Variants in CMSS1 observed in about 807,000 individuals in gnomAD.
The protein encoded by CMSS1 is cms1 ribosomal small subunit homolog, also known as protein CMSS1.
In CMSS1, 33 loss-of-function variants were observed where a neutral mutation model predicts 43.5. That is an observed-to-expected ratio of 0.76 (90% confidence interval 0.57 to 1.01). The LOEUF (loss-of-function observed/expected upper bound fraction) is 1.01. Ranked by LOEUF, CMSS1 falls within the 50% of genes least tolerant of loss-of-function variation. The pLI, the probability that CMSS1 is intolerant of heterozygous loss-of-function variation, is 0.00. For synonymous variants in CMSS1, 115 were observed against 117.2 expected, an observed-to-expected ratio of 0.98 and a Z score of 0.12; for missense variants, 313 against 326.4, an observed-to-expected ratio of 0.96 and a Z score of 0.32.
Position 100,100,087 on chromosome 3 carries a change from C to T in CMSS1, c.65-46886C>T, listed in dbSNP as rs999471723. Reference sequence around the variant, plus strand: ...AGGAGTGGGCAAGTGTGGCATGAGCCGTGAGAGCAGAGGTATTTTGATAAG... The same window carrying T: ...AGGAGTGGGCAAGTGTGGCATGAGCTGTGAGAGCAGAGGTATTTTGATAAG... On this transcript the variant is annotated intron_variant, in intron 1 of 9. Coordinates refer to ENST00000421999, the MANE Select transcript of CMSS1 (RefSeq NM_032359.4). Among the ~76,000 whole-genome samples the T allele has an allele frequency of 3.9e-5, 6 of 152,194 alleles. No individual in the cohort carries two copies. The South Asian group carries it at 6.2e-4, about 16-fold the overall frequency.
At chr3:99,849,888 T>C (rs778828328) in intron 1 of CMSS1, 5 of 1,612,000 alleles carry the variant, frequency 3.1e-6, no homozygotes, top group South Asian at 2.2e-5. Context: ...TCTCAATTGC[T>C]TCCAATGATT....
At chr3:100,001,936 A>G (rs1709853763) in intron 1 of CMSS1, among the ~76,000 whole-genome samples, 1 of 152,182 alleles carries the variant, frequency 6.6e-6, no homozygotes, top group African/African-American at 2.4e-5. Context: ...GGGAAGCACA[A>G]TGAGACATCT....
intron 4 of CMSS1, among the ~76,000 whole-genome samples, chr3:100,165,229 G>T (rs1009647847): frequency 6.6e-6 from 1 of 152,182 alleles, no homozygotes; most frequent in African/African-American, 2.4e-5. Context: ...CAATATAGGA[G>T]AAAACAGCTT....
chr3:99,921,237 C>T (rs746736371), intron 1 of CMSS1, among the ~76,000 whole-genome samples: 38 of 152,164 alleles, frequency 2.5e-4, no homozygotes, highest in Non-Finnish European at 1.5e-4. Flanking sequence ...AGGCACACTA[C>T]GGGTATTTCA....
chr3:100,113,908 A>T (rs977574750), intron 1 of CMSS1: 1 of 152,138 alleles, frequency 6.6e-6, no homozygotes, highest in Non-Finnish European at 1.5e-5. Flanking sequence ...ATCATCTGTC[A>T]TAAGCTCTTA....
intron 1 of CMSS1, among the ~76,000 whole-genome samples, chr3:100,083,737 C>G (rs534769522): frequency 2.5e-4 from 38 of 152,114 alleles, no homozygotes; most frequent in African/African-American, 9.2e-4. Flanking sequence ...ATCACCATTT[C>G]TTTGTTTGTT....
chr3:99,822,130 A>G (rs1236464678), intron 1 of CMSS1, among the ~76,000 whole-genome samples: 1 of 152,326 alleles, frequency 6.6e-6, no homozygotes, highest in East Asian at 1.9e-4. Flanking sequence ...TTTTATTTCA[A>G]TGACATACCT....
intron 1 of CMSS1, among the ~76,000 whole-genome samples, chr3:99,846,915 G>A (rs1013927192): frequency 3.9e-5 from 6 of 152,180 alleles, no homozygotes; most frequent in African/African-American, 1.2e-4. Context: ...TGAAATCGTC[G>A]TTTTGGAATG....
chr3:100,178,413 G>A lies in CMSS1; in HGVS notation c.*25G>A. ...AGTCTGTGTCCTAATGAAGATTCCA[G>A]TTTTCACAGTAGAAGTTGCATCTTA... On this transcript the variant is annotated 3_prime_UTR_variant, in exon 10 of 10. Transcript: ENST00000421999. 3 of 1,441,848 alleles carry A rather than the reference G, an allele frequency of 2.1e-6. No homozygotes were observed. The highest frequency in any genetic ancestry group is 2.9e-6 in the Non-Finnish European group (3 of 1,028,152). 89.3% of individuals were successfully genotyped at this position (1,441,848 alleles called of 1,614,324 possible).
rs1047686347 is a variant in CMSS1, at chr3:99,830,740, A to T, written c.64+12697A>T. On this transcript the variant is annotated intron_variant, in intron 1 of 9. Transcript: ENST00000421999. ...TTTCTGGGGATGTATCAGATCAAAG[A>T]TCGTCAGGTTGAAGAAAAGAATGTC... 6 of 380,676 alleles carry T rather than the reference A, an allele frequency of 1.6e-5. No homozygotes were observed. In the Admixed American group the frequency reaches 1.9e-4, roughly 12 times the overall value. The allele number at this position is 380,676 out of a possible 1,614,324, so 23.6% of individuals were successfully genotyped here.
intron 1 of CMSS1, among the ~76,000 whole-genome samples, chr3:100,091,389 TA>T: frequency 1.3e-5 from 2 of 152,310 alleles, no homozygotes; most frequent in East Asian, 3.9e-4. Context: ...AATGTTTTAA[TA>T]AATGAACTTT....
chr3:99,873,122 G>A (rs1313829526), intron 1 of CMSS1, among the ~76,000 whole-genome samples: 4 of 152,172 alleles, frequency 2.6e-5, no homozygotes, highest in African/African-American at 9.7e-5. Flanking sequence ...GCTAGAAAAT[G>A]TTGTGGTGAT....
chr3:100,134,009 C>G (rs2066730790), intron 1 of CMSS1, among the ~76,000 whole-genome samples: 2 of 152,102 alleles, frequency 1.3e-5, no homozygotes, highest in African/African-American at 4.8e-5. Flanking sequence ...CCAAAGGGTA[C>G]TCTTAACAGA....
At chr3:100,150,846 A>G (rs2066901208) in intron 2 of CMSS1, among the ~76,000 whole-genome samples, 1 of 152,168 alleles carries the variant, frequency 6.6e-6, no homozygotes, top group South Asian at 2.1e-4. Context: ...CTTTGTAATT[A>G]TGGTTCCCAG....
At chr3:100,114,626 G>T (rs2066541290) in intron 1 of CMSS1, 1 of 201,370 alleles carries the variant, frequency 5.0e-6, no homozygotes, top group African/African-American at 2.3e-5. Context: ...AAATTCATGT[G>T]CACATCTTGG....
At chr3:99,992,236 A>T (rs888226293) in intron 1 of CMSS1, among the ~76,000 whole-genome samples, 1 of 152,028 alleles carries the variant, frequency 6.6e-6, no homozygotes, top group African/African-American at 2.4e-5. Flanking sequence ...GCTATTTGAG[A>T]AACCTCCACA....
intron 1 of CMSS1, among the ~76,000 whole-genome samples, chr3:99,895,030 C>G (rs1292565148): frequency 6.6e-6 from 1 of 152,126 alleles, no homozygotes; most frequent in Non-Finnish European, 1.5e-5. Flanking sequence ...CAGCCTCAGG[C>G]CAACTAACCT....
intron 1 of CMSS1, among the ~76,000 whole-genome samples, chr3:99,865,739 C>A (rs1168749866): frequency 1.3e-5 from 2 of 151,652 alleles, no homozygotes; most frequent in Non-Finnish European, 2.9e-5. Context: ...TGACAGACTT[C>A]AAGGGCATAA....
chr3:100,006,869 C>A (rs534026217), intron 1 of CMSS1, among the ~76,000 whole-genome samples: 1 of 152,322 alleles, frequency 6.6e-6, no homozygotes, highest in African/African-American at 2.4e-5. Flanking sequence ...TACTAAACCA[C>A]TGCAAGCTTT....
Sources: allele counts gnomAD v4.1 joint callset (sites outside exome capture counted in the v4.1 genomes callset), GRCh38; gene constraint gnomAD v4.1.1; transcripts MANE v1.5; gene names NCBI Gene and HGNC (gene_info 2026-07-23, HGNC 2026-07-21).